EFCAB13: variants seen among roughly 807,000 people sequenced by gnomAD.
The protein encoded by EFCAB13 is EF-hand calcium-binding domain-containing protein 13.
EFCAB13 carries 91 observed loss-of-function variants against 110.2 expected under a neutral mutation model. The ratio of observed to expected loss-of-function variants is 0.83; its 90% CI spans 0.70 to 0.98. The LOEUF (loss-of-function observed/expected upper bound fraction) is 0.98, where lower values mean the gene tolerates loss of function less well. Among genes scored for constraint, EFCAB13 ranks in the 50% least tolerant of loss-of-function variants. EFCAB13 has a pLI of 0.00. For synonymous variants in EFCAB13, 323 were observed against 369.9 expected (o/e 0.87, Z 1.45); for missense variants, 968 against 1,119.4 (o/e 0.86, Z 1.93).
chr17:47,329,174 A>T (rs1284351805), intron 4 of EFCAB13: 2 of 151,990 alleles, frequency 1.3e-5, no homozygotes, highest in Non-Finnish European at 2.9e-5. Context: ...AAAGAAAGGG[A>T]ATTTTGAGGG....
chr17:47,382,140 T>C (rs1478052343), intron 14 of EFCAB13, among the ~76,000 whole-genome samples: 1 of 152,190 alleles, frequency 6.6e-6, no homozygotes, highest in Non-Finnish European at 1.5e-5. Context: ...AGTTCACTCA[T>C]GATTTGGCTC....
chr17:47,393,755 A>AAT (rs918168589), intron 15 of EFCAB13, among the ~76,000 whole-genome samples: 3 of 117,952 alleles, frequency 2.5e-5, no homozygotes, highest in African/African-American at 9.5e-5. Context: ...TAAATAAATA[A>AAT]AAATAAAAAT....
chr17:47,415,750 C>T (rs1282965605), intron 23 of EFCAB13, among the ~76,000 whole-genome samples: 1 of 152,172 alleles, frequency 6.6e-6, no homozygotes, highest in Non-Finnish European at 1.5e-5. Context: ...GAAATCCTAA[C>T]TTCAGTTAAT....
intron 23 of EFCAB13, among the ~76,000 whole-genome samples, chr17:47,424,013 T>G (rs1192572177): frequency 6.6e-6 from 1 of 152,092 alleles, no homozygotes; most frequent in Admixed American, 6.5e-5. Flanking sequence ...GGAGCTGGAC[T>G]CTGCCGCGCC....
chr17:47,386,650 C>A (rs940095213), intron 14 of EFCAB13, among the ~76,000 whole-genome samples: 3 of 152,102 alleles, frequency 2.0e-5, no homozygotes, highest in African/African-American at 7.2e-5. Context: ...ACAGCTCTGT[C>A]TCGCTGGGAT....
intron 13 of EFCAB13, among the ~76,000 whole-genome samples, chr17:47,378,434 A>G (rs2065628524): frequency 6.6e-6 from 1 of 152,198 alleles, no homozygotes; most frequent in Non-Finnish European, 1.5e-5. Flanking sequence ...AGTTATTTTT[A>G]TCAGTAACTA....
intron 20 of EFCAB13, among the ~76,000 whole-genome samples, chr17:47,407,570 A>C (rs1729472646): frequency 6.6e-6 from 1 of 152,186 alleles, no homozygotes; most frequent in South Asian, 2.1e-4. Context: ...CCACGAAAGA[A>C]AATTGTCAGT....
At chr17:47,423,220 T>C (rs1368401354) in intron 23 of EFCAB13, 1 of 152,156 alleles carries the variant, frequency 6.6e-6, no homozygotes, top group Non-Finnish European at 1.5e-5. Flanking sequence ...AATGTAATAA[T>C]TTCCTAATTT....
At chr17:47,386,767 C>G (rs2065678707) in intron 14 of EFCAB13, among the ~76,000 whole-genome samples, 2 of 152,158 alleles carry the variant, frequency 1.3e-5, no homozygotes, top group African/African-American at 4.8e-5. Context: ...GTGGTGTAGG[C>G]ACGCGAAGGA....
intron 2 of EFCAB13, among the ~76,000 whole-genome samples, chr17:47,325,813 T>G (rs2065279031): frequency 1.3e-5 from 2 of 150,866 alleles, no homozygotes; most frequent in South Asian, 2.1e-4. Context: ...CTTTTTTTTT[T>G]GTACTTATTG....
chr17:47,439,892 G>GTATCAC (rs1298302912), intron 24 of EFCAB13, among the ~76,000 whole-genome samples: 2 of 151,788 alleles, frequency 1.3e-5, no homozygotes, highest in East Asian at 3.9e-4. Flanking sequence ...CTTGAGAGCA[G>GTATCAC]TATCACTCTC....
chr17:47,374,803 A>C lies in EFCAB13; in HGVS notation c.1209A>C (p.Ser403=). 1 of 1,614,126 alleles carries C rather than the reference A, an allele frequency of 6.2e-7. No homozygotes were observed. The highest frequency in any genetic ancestry group is 8.5e-7 in the Non-Finnish European group (1 of 1,179,986). ...KHSEKGEIHD[S]KSKPQSLKSS... ...CAGAGAAGGGTGAAATTCATGACTC[A>C]AAGTCTAAACCACAAAGCTTGAAGA... The change falls in exon 12 of 25, where the codon TCA becomes TCC. Residue 403 remains serine, a synonymous_variant. Transcript: ENST00000331493.
rs768215681 is a variant in EFCAB13, at chr17:47,403,999, T to G, written c.2139T>G (p.Ile713Met). 7 of 1,595,578 alleles carry G rather than the reference T, an allele frequency of 4.4e-6. No individual in the cohort carries two copies. The highest frequency in any genetic ancestry group is 3.4e-4 in the Middle Eastern group (2 of 5,954). ...IKSPKEEVEK[I>M]LQSDFVSEDN... is the part of the protein sequence containing the mutation. ...CACCTAAAGAAGAGGTAGAGAAAAT[T>G]CTTCAATCAGATTTTGTTTCTGGTA... Residue 713 changes from isoleucine (I) to methionine (M), a missense_variant, in exon 19 of 25, where the codon ATT (isoleucine) becomes ATG (methionine). Coordinates refer to ENST00000331493, the MANE Select transcript of EFCAB13 (RefSeq NM_152347.5).
At chr17:47,384,921 C>T (rs930143085) in intron 14 of EFCAB13, among the ~76,000 whole-genome samples, 2 of 152,148 alleles carry the variant, frequency 1.3e-5, no homozygotes, top group Admixed American at 6.5e-5. Flanking sequence ...AGGCGCCCAC[C>T]ACCACGCCTG....
intron 9 of EFCAB13, among the ~76,000 whole-genome samples, chr17:47,352,906 C>G (rs962183829): frequency 1.3e-5 from 2 of 152,094 alleles, no homozygotes; most frequent in African/African-American, 4.8e-5. Flanking sequence ...GAAATGCCAC[C>G]GATTTTTGTA....
chr17:47,376,966 G>T (rs969891237), intron 12 of EFCAB13, among the ~76,000 whole-genome samples: 2 of 152,076 alleles, frequency 1.3e-5, no homozygotes, highest in African/African-American at 4.8e-5. Flanking sequence ...AAGTGATATT[G>T]TACCCATCTC....
chr17:47,371,071 T>G (rs1448064891), intron 11 of EFCAB13, among the ~76,000 whole-genome samples: 2 of 150,748 alleles, frequency 1.3e-5, no homozygotes, highest in Non-Finnish European at 3.0e-5. Context: ...TGTTTTTTTT[T>G]TTTTTTTTTT....
At chr17:47,341,008 C>T (rs748645058) in intron 5 of EFCAB13, among the ~76,000 whole-genome samples, 27 of 151,956 alleles carry the variant, frequency 1.8e-4, no homozygotes, top group Non-Finnish European at 2.4e-4. Context: ...GATGGAATAA[C>T]GTCACCACCT....
Position 47,431,355 on chromosome 17 carries a change from A to G in EFCAB13, c.2638+1394A>G, listed in dbSNP as rs1299962493. ...CTAGGGTGAATATATCCCAATTTCT[A>G]GTGATGAATATTTAGCTCAATAATT... On this transcript the variant is annotated intron_variant, in intron 24 of 24. Transcript: ENST00000331493. This position sits in a 1 kb window ranked among gnomAD's most constrained non-coding sequence, Gnocchi z 4.1. Among the ~76,000 whole-genome samples, 1 of 150,116 alleles carries G rather than the reference A, an allele frequency of 6.7e-6. No individual in the cohort carries two copies. Among genetic ancestry groups the G allele is most frequent in the Non-Finnish European group, 1.5e-5 (1 of 67,582 alleles).
Sources: gnomAD v4.1 joint callset for allele counts (sites outside exome capture counted in the v4.1 genomes callset) on GRCh38, gnomAD v4.1.1 for gene constraint, Gnocchi (gnomAD v3.1) non-coding constraint, MANE v1.5 for transcripts, NCBI Gene and HGNC (gene_info 2026-07-23, HGNC 2026-07-21) for gene names.